TMEM38B: variants seen among roughly 807,000 people sequenced by gnomAD.
TMEM38B encodes the protein trimeric intracellular cation channel type B.
Under a neutral mutation model 28.7 loss-of-function variants are expected in TMEM38B, and 24 were observed. The observed-to-expected ratio is 0.84, with a 90% CI of 0.61 to 1.18. TMEM38B has a LOEUF of 1.18. TMEM38B is among the 50% of genes most tolerant of loss of function. The probability of loss-of-function intolerance (pLI) is 0.00; values close to 1 mark genes in which losing one functional copy is unlikely to be tolerated. For missense variants in TMEM38B, 380 were observed against 350.9 expected (o/e 1.08, Z -0.66); for synonymous variants, 131 against 127.7 (o/e 1.03, Z -0.17).
At chr9:105,755,757 G>C (rs920736638) in intron 5 of TMEM38B, among the ~76,000 whole-genome samples, 5 of 151,830 alleles carry the variant, frequency 3.3e-5, no homozygotes, top group African/African-American at 4.8e-5. Context: ...CACTTTTTTT[G>C]TTAAATTTAT....
chr9:105,730,593 G>A (rs1291865857), intron 4 of TMEM38B, among the ~76,000 whole-genome samples: 4 of 152,174 alleles, frequency 2.6e-5, no homozygotes, highest in Non-Finnish European at 5.9e-5. Flanking sequence ...ATGAGTTAGG[G>A]AGGATTCCCT....
chr9:105,748,213 ATTATTACAAATCC>A (rs2133618852), intron 5 of TMEM38B, 23 bp downstream of exon 5: 2 of 1,522,854 alleles, frequency 1.3e-6, no homozygotes, highest in East Asian at 2.3e-5. Context: ...AGTACCTATA[ATTATTACAAATCC>A]TGTATAACTA....
chr9:105,735,789 TG>T (rs2133598797), intron 4 of TMEM38B, among the ~76,000 whole-genome samples: 1 of 152,272 alleles, frequency 6.6e-6, no homozygotes, highest in East Asian at 1.9e-4. Context: ...TGAACCTGTT[TG>T]GGGAGTTTTG....
At chr9:105,717,843 A>C (rs1199137423) in intron 2 of TMEM38B, among the ~76,000 whole-genome samples, 1 of 152,218 alleles carries the variant, frequency 6.6e-6, no homozygotes, top group Non-Finnish European at 1.5e-5. Context: ...CAAAACAACA[A>C]TAATAGCAAT....
At chr9:105,741,768 A>G (rs1359380004) in intron 4 of TMEM38B, among the ~76,000 whole-genome samples, 1 of 152,222 alleles carries the variant, frequency 6.6e-6, no homozygotes, top group African/African-American at 2.4e-5. Context: ...AAATGCTACT[A>G]ACCAAACAAA....
chr9:105,731,347 G>A (rs538077739), intron 4 of TMEM38B, among the ~76,000 whole-genome samples: 45 of 151,734 alleles, frequency 3.0e-4, no homozygotes, highest in African/African-American at 9.4e-4. Context: ...GGGTACATGC[G>A]CACAAAGTGC....
At chr9:105,756,414 T>C (rs893480367) in intron 5 of TMEM38B, among the ~76,000 whole-genome samples, 3 of 152,196 alleles carry the variant, frequency 2.0e-5, no homozygotes, top group Non-Finnish European at 4.4e-5. Context: ...CTGTGGGTTT[T>C]TCCTAGATGA....
In TMEM38B at chr9:105,721,735, T is replaced by C. The variant is rs1188864175; in HGVS notation, c.454+14T>C. On this transcript the variant is annotated intron_variant, in intron 3 of 5. Transcript: ENST00000374692. ...GATGGGCCCGAGGTAATATTGACAA[T>C]ATGTGTTCATAAATATTCTGTTGTT... 1.3e-6 allele frequency: 2 copies of C among 1,583,716 alleles called. No individual in the cohort carries two copies. The highest frequency in any genetic ancestry group is 1.7e-5 in the Admixed American group (1 of 57,556).
At chr9:105,705,812 G>A in intron 2 of TMEM38B, 59 bp downstream of exon 2, 1 of 1,481,294 alleles carries the variant, frequency 6.8e-7, no homozygotes. Flanking sequence ...TAAATTGTTA[G>A]TAAAATGAAT....
intron 2 of TMEM38B, among the ~76,000 whole-genome samples, chr9:105,712,614 T>G (rs1325484067): frequency 2.0e-5 from 3 of 152,258 alleles, no homozygotes; most frequent in Non-Finnish European, 2.9e-5. Flanking sequence ...TCCCATTTTG[T>G]GACATTAGCA....
At chr9:105,758,341 G>T in intron 5 of TMEM38B, 1 of 882,432 alleles carries the variant, frequency 1.1e-6, no homozygotes, top group Non-Finnish European at 1.9e-6. Context: ...GATCTTCCTG[G>T]TATGGCGATC....
intron 2 of TMEM38B, among the ~76,000 whole-genome samples, chr9:105,713,273 G>A (rs528166139): frequency 1.2e-3 from 184 of 152,250 alleles, no homozygotes; most frequent in Non-Finnish European, 1.1e-3. Flanking sequence ...ACCCCTCCCC[G>A]ACAGCTGCAG....
chr9:105,740,367 A>C (rs929826830), intron 4 of TMEM38B, among the ~76,000 whole-genome samples: 2 of 147,998 alleles, frequency 1.4e-5, no homozygotes, highest in African/African-American at 5.0e-5. Flanking sequence ...CCCAGGCTCT[A>C]GTGATCCTCC....
In TMEM38B at chr9:105,705,665, G is replaced by A. The variant is rs750253001; in HGVS notation, c.181G>A (p.Gly61Arg). 2 of 1,614,004 alleles carry A rather than the reference G, an allele frequency of 1.2e-6. No individual in the cohort carries two copies. Among genetic ancestry groups the A allele is most frequent in the Non-Finnish European group, 1.7e-6 (2 of 1,180,010 alleles). ...WFTAMLHCFG[G>R]GILSCLLLAE... ...TACTGCTATGCTCCACTGTTTTGGT[G>A]GAGGAATTTTATCCTGTCTACTGCT... The change falls in exon 2 of 6, where the codon GGA becomes AGA. Residue 61 changes from glycine to arginine, a missense_variant. Gly to Arg is a moderately radical substitution (Grantham distance 125). Coordinates refer to ENST00000374692, the MANE Select transcript of TMEM38B (RefSeq NM_018112.3).
chr9:105,745,840 C>G (rs1837370625), intron 4 of TMEM38B, among the ~76,000 whole-genome samples: 1 of 152,120 alleles, frequency 6.6e-6, no homozygotes, highest in South Asian at 2.1e-4. Flanking sequence ...GGTAGGGAAT[C>G]CTTTCCCCAT....
intron 4 of TMEM38B, among the ~76,000 whole-genome samples, chr9:105,746,897 G>A (rs1412415207): frequency 6.6e-6 from 1 of 152,182 alleles, no homozygotes; most frequent in East Asian, 1.9e-4. Flanking sequence ...TGCGTTTGTG[G>A]AACCAGCCTT....
At chr9:105,733,523 A>G (rs1419945672) in intron 4 of TMEM38B, among the ~76,000 whole-genome samples, 1 of 147,290 alleles carries the variant, frequency 6.8e-6, no homozygotes, top group African/African-American at 2.5e-5. Context: ...GTTTCCTTGG[A>G]AGAGTTTAAG....
chr9:105,764,557 A>C (rs1271343018), intron 5 of TMEM38B, among the ~76,000 whole-genome samples: 2 of 152,136 alleles, frequency 1.3e-5, no homozygotes, highest in Non-Finnish European at 2.9e-5. Flanking sequence ...GGAGAACTGC[A>C]AACCACTGCT....
At chr9:105,737,316 G>A (rs748819436) in intron 4 of TMEM38B, among the ~76,000 whole-genome samples, 1 of 150,856 alleles carries the variant, frequency 6.6e-6, no homozygotes, top group Non-Finnish European at 1.5e-5. Flanking sequence ...AGAAGAAGGG[G>A]TGCTCCAGAG....
Sources: allele counts gnomAD v4.1 joint callset (sites outside exome capture counted in the v4.1 genomes callset), GRCh38; gene constraint gnomAD v4.1.1; transcripts MANE v1.5; gene names NCBI Gene and HGNC (gene_info 2026-07-23, HGNC 2026-07-21).